Variants in ZZZ3 observed in about 807,000 individuals in gnomAD.
ZZZ3 encodes the protein ZZ-type zinc finger-containing protein 3.
ZZZ3 carries 22 observed loss-of-function variants against 95.2 expected under a neutral mutation model. The observed-to-expected ratio is 0.23, with a 90% CI of 0.17 to 0.33. ZZZ3 has a LOEUF of 0.33. Among genes scored for constraint, ZZZ3 ranks in the 10% least tolerant of loss-of-function variants. The pLI, the probability that ZZZ3 is intolerant of heterozygous loss-of-function variation, is 1.00. For missense variants in ZZZ3, 885 were observed against 1,066.5 expected, an observed-to-expected ratio of 0.83 and a Z score of 2.37; for synonymous variants, 335 against 358.9, an observed-to-expected ratio of 0.93 and a Z score of 0.75.
intron 3 of ZZZ3, 89 bp from the exon 4 acceptor site, chr1:77,639,691 C>A: frequency 2.7e-6 from 1 of 364,518 alleles, no homozygotes; most frequent in Non-Finnish European, 4.9e-6. Flanking sequence ...AGAAGAAATA[C>A]AGGTACAGAA....
chr1:77,578,907 G>T, intron 10 of ZZZ3, 38 bp from the exon 11 acceptor site: 1 of 1,330,786 alleles, frequency 7.5e-7, no homozygotes, highest in Non-Finnish European at 1.0e-6. Context: ...ACAATGAGAT[G>T]ACATACAATA....
intron 1 of ZZZ3, among the ~76,000 whole-genome samples, chr1:77,668,285 G>T (rs115491611): frequency 3.1e-4 from 47 of 152,076 alleles, no homozygotes; most frequent in African/African-American, 1.1e-3. Flanking sequence ...GCTTTTCTGG[G>T]AATTGCTACC....
chr1:77,675,347 C>A (rs1672161541), intron 1 of ZZZ3, among the ~76,000 whole-genome samples: 1 of 151,934 alleles, frequency 6.6e-6, no homozygotes, highest in Non-Finnish European at 1.5e-5. Flanking sequence ...AAAAAAAAAA[C>A]TTTAAAAACT....
At position 77,578,723 on chromosome 1, in the gene ZZZ3, CTTACTTTAATAAATTTAATCTACAGT is replaced by C. The variant is rs764244763; in HGVS notation, c.2178+25_2178+50del. On this transcript the variant is annotated intron_variant, in intron 11 of 14. Coordinates refer to ENST00000370801, the MANE Select transcript of ZZZ3 (RefSeq NM_015534.6). Reference sequence around the variant, plus strand: ...ATGTGTAGATTTTTACATAGCAATTCTTACTTTAATAAATTTAATCTACAGTTTACTTTCATGTATTTTCTTTTACC... The same window carrying C: ...ATGTGTAGATTTTTACATAGCAATTCTTACTTTCATGTATTTTCTTTTACC... 6 of 1,082,242 alleles carry C rather than the reference CTTACTTTAATAAATTTAATCTACAGT, an allele frequency of 5.5e-6. No individual in the cohort carries two copies. The South Asian group carries it at 1.2e-4, about 22-fold the overall frequency. The allele number at this position is 1,082,242 out of a possible 1,614,324, so 67.0% of individuals were successfully genotyped here. A position where few individuals can be genotyped will look rare whatever the true frequency, so the allele number is the denominator to read the frequency against.
chr1:77,633,063 T>C lies in ZZZ3; in HGVS notation c.292A>G (p.Arg98Gly). ...CTCTCACAATTTTCTATAGCCTGCC[T>C]TTCTATGTTATCCTTTTCTGAAGAA... ...LSSSEKDNIERQAIENCERRQ... is the reference protein window; with the variant it reads ...LSSSEKDNIEGQAIENCERRQ... The change falls in exon 5 of 15, where the codon AGG becomes GGG. Residue 98 changes from arginine to glycine, a missense_variant. Arg to Gly is a moderately radical substitution (Grantham distance 125). Around this residue, in one of 5 missense-constraint regions of ZZZ3, gnomAD observed 556 missense variants for 652.9 expected, o/e 0.85. Transcript: ENST00000370801. 1 of 1,613,968 alleles carries C rather than the reference T, an allele frequency of 6.2e-7. No homozygotes were observed. Among genetic ancestry groups the C allele is most frequent in the Non-Finnish European group, 8.5e-7 (1 of 1,180,010 alleles).
Position 77,633,357 on chromosome 1 carries a change from T to C in ZZZ3, c.-3A>G, listed in dbSNP as rs1264570130. The C allele has an allele frequency of 4.4e-6, 7 of 1,595,500 alleles. No homozygotes were observed. The South Asian group carries it at 6.9e-5, about 16-fold the overall frequency. ...CGAGTAGATCGGGAAGCAGCCATAC[T>C]ATGGCAAGTCCCTACAATACGGTCA... On this transcript the variant is annotated 5_prime_UTR_variant, in exon 5 of 15. It adds an upstream start codon to the 5' untranslated region. Transcript: ENST00000370801.
chr1:77,626,336 T>G (rs1667332717), intron 5 of ZZZ3, among the ~76,000 whole-genome samples: 1 of 152,212 alleles, frequency 6.6e-6, no homozygotes, highest in African/African-American at 2.4e-5. Context: ...CTATTATCCT[T>G]ATTATTCCAT....
intron 5 of ZZZ3, among the ~76,000 whole-genome samples, chr1:77,593,084 A>G (rs1217474860): frequency 1.3e-5 from 2 of 152,178 alleles, no homozygotes. Context: ...AGGGCCTATC[A>G]AGAGAGAACT....
At chr1:77,610,137 A>T (rs906665377) in intron 5 of ZZZ3, among the ~76,000 whole-genome samples, 6 of 30,124 alleles carry the variant, frequency 2.0e-4, no homozygotes, top group African/African-American at 3.2e-4. Flanking sequence ...AATCAGAGAT[A>T]AAAAAAAAAA....
At chr1:77,583,066 C>T (rs1386728671) in intron 6 of ZZZ3, among the ~76,000 whole-genome samples, 1 of 151,832 alleles carries the variant, frequency 6.6e-6, no homozygotes. Flanking sequence ...GATCAGACCC[C>T]ACTGCACTCC....
intron 11 of ZZZ3, among the ~76,000 whole-genome samples, chr1:77,576,779 A>T (rs1297306524): frequency 6.7e-6 from 1 of 149,618 alleles, no homozygotes. Flanking sequence ...CAAAAAAACA[A>T]CAAAAAAAAA....
chr1:77,634,442 G>T (rs1378354887), intron 4 of ZZZ3, among the ~76,000 whole-genome samples: 3 of 152,034 alleles, frequency 2.0e-5, no homozygotes, highest in Non-Finnish European at 4.4e-5. Context: ...GCTTGCATTG[G>T]CTAAGAACAA....
intron 1 of ZZZ3, among the ~76,000 whole-genome samples, chr1:77,681,417 T>G (rs1464199472): frequency 6.6e-6 from 1 of 152,196 alleles, no homozygotes; most frequent in Non-Finnish European, 1.5e-5. Context: ...CTGCAACTAC[T>G]AAATAAAATC....
At chr1:77,603,298 T>C (rs1018599441) in intron 5 of ZZZ3, among the ~76,000 whole-genome samples, 1 of 152,158 alleles carries the variant, frequency 6.6e-6, no homozygotes, top group Non-Finnish European at 1.5e-5. Flanking sequence ...AGACTGGTCT[T>C]AAACTCCCGG....
At chr1:77,572,307 T>C (rs959280554) in intron 12 of ZZZ3, among the ~76,000 whole-genome samples, 3 of 152,192 alleles carry the variant, frequency 2.0e-5, no homozygotes, top group Admixed American at 1.3e-4. Context: ...GTTTTGTTTT[T>C]TGTGGGTTTT....
At chr1:77,570,104 CT>C (rs907173455) in intron 12 of ZZZ3, among the ~76,000 whole-genome samples, 1 of 151,786 alleles carries the variant, frequency 6.6e-6, no homozygotes, top group African/African-American at 2.4e-5. Context: ...CTCAGTTTTT[CT>C]TTTTTTTCTT....
rs1661890813 is a variant in ZZZ3, at chr1:77,575,935, A to C, written c.2331+133T>G. ...TGTTTGAAATTTTCCTCACAAAAGT[A>C]CATTACTTAAAAACTATACATTTGA... On this transcript the variant is annotated intron_variant, in intron 12 of 14. Transcript: ENST00000370801. The C allele has an allele frequency of 7.6e-6, 5 of 657,880 alleles. No homozygotes were observed. The South Asian group carries it at 2.0e-4, about 26-fold the overall frequency. The allele number at this position is 657,880 out of a possible 1,614,324, so 40.8% of individuals were successfully genotyped here. A position where few individuals can be genotyped will look rare whatever the true frequency, so the allele number is the denominator to read the frequency against.
chr1:77,681,512 A>G (rs1247219739), intron 1 of ZZZ3, among the ~76,000 whole-genome samples: 1 of 152,216 alleles, frequency 6.6e-6, no homozygotes, highest in Non-Finnish European at 1.5e-5. Context: ...GAAATATTAA[A>G]TTGATTTCAA....
intron 5 of ZZZ3, among the ~76,000 whole-genome samples, chr1:77,598,191 G>A (rs1057276971): frequency 1.3e-5 from 2 of 151,910 alleles, no homozygotes; most frequent in Non-Finnish European, 2.9e-5. Flanking sequence ...ATAAACAGTC[G>A]ATTAACAGAT....
Sources: gnomAD v4.1 joint callset for allele counts (sites outside exome capture counted in the v4.1 genomes callset) on GRCh38, gnomAD v4.1.1 for gene constraint, gnomAD v4.1.1 regional missense constraint, MANE v1.5 for transcripts, NCBI Gene and HGNC (gene_info 2026-07-23, HGNC 2026-07-21) for gene names.